The following ZC3H12B variants were observed in gnomAD, a reference collection of about 807,000 sequenced individuals.
ZC3H12B encodes probable ribonuclease ZC3H12B.
Under a neutral mutation model 43.9 loss-of-function variants are expected in ZC3H12B, and 7 were observed. The ratio of observed to expected loss-of-function variants is 0.16; its 90% CI spans 0.09 to 0.30. ZC3H12B has a LOEUF of 0.30. ZC3H12B is among the 10% of genes least tolerant of loss of function. ZC3H12B has a pLI of 1.00. For synonymous variants in ZC3H12B, 222 were observed against 241.7 expected, an observed-to-expected ratio of 0.92 and a Z score of 0.76; for missense variants, 475 against 670.2, an observed-to-expected ratio of 0.71 and a Z score of 3.22.
At chrX:65,322,343 A>G in the ZC3H12B span, among the ~76,000 whole-genome samples, 11 of 112,177 alleles carry the variant, frequency 9.8e-5, no homozygotes, top group Non-Finnish European at 1.9e-4. Flanking sequence ...CTCAACTCCA[A>G]TATTGGAAAT....
chrX:65,342,959 T>C, the ZC3H12B span, among the ~76,000 whole-genome samples: 1 of 110,358 alleles, frequency 9.1e-6, no homozygotes, highest in Non-Finnish European at 1.9e-5. Context: ...TCCAAATGAA[T>C]ACAATTAGAA....
At chrX:65,226,936 G>A in the ZC3H12B span, among the ~76,000 whole-genome samples, 2 of 111,007 alleles carry the variant, frequency 1.8e-5, no homozygotes, top group Non-Finnish European at 3.8e-5. Context: ...AATAATGGGA[G>A]ACTTTAACAC....
the ZC3H12B span, among the ~76,000 whole-genome samples, chrX:65,168,498 T>C: frequency 9.6e-6 from 1 of 103,855 alleles, no homozygotes; most frequent in Non-Finnish European, 2.0e-5. Context: ...TAAAATTCTC[T>C]TTTTTTTTTT....
chrX:65,266,775 T>G, the ZC3H12B span, among the ~76,000 whole-genome samples: 1 of 111,177 alleles, frequency 9.0e-6, no homozygotes, highest in South Asian at 3.7e-4. Context: ...AGTGCAAGGG[T>G]TTGCCTTTGT....
chrX:65,465,140 T>C (rs763660145), intron 3 of ZC3H12B, among the ~76,000 whole-genome samples: 2 of 111,200 alleles, frequency 1.8e-5, no homozygotes, highest in East Asian at 5.6e-4. Flanking sequence ...AATGTTGAAA[T>C]CACCTGTTTT....
At chrX:65,289,442 C>T in the ZC3H12B span, among the ~76,000 whole-genome samples, 1 of 109,860 alleles carries the variant, frequency 9.1e-6, no homozygotes, top group African/African-American at 3.3e-5. Flanking sequence ...GCCTCGGTGA[C>T]ATGCAATTTA....
chrX:65,452,701 C>T (rs528278844), intron 3 of ZC3H12B, among the ~76,000 whole-genome samples: 6 of 110,791 alleles, frequency 5.4e-5, no homozygotes, highest in Non-Finnish European at 1.1e-4. Context: ...ATTTGCCAGG[C>T]GTAGTGGTAG....
chrX:65,241,537 G>A, the ZC3H12B span, among the ~76,000 whole-genome samples: 1 of 112,131 alleles, frequency 8.9e-6, no homozygotes, highest in Admixed American at 9.4e-5. Flanking sequence ...CAGGGAGGTC[G>A]CCCCTGAGTG....
chrX:65,470,966 G>T (rs973377553), intron 3 of ZC3H12B, among the ~76,000 whole-genome samples: 1 of 111,797 alleles, frequency 8.9e-6, no homozygotes, highest in South Asian at 3.8e-4. Context: ...CTATACTGAA[G>T]AATATTCCAT....
intron 3 of ZC3H12B, among the ~76,000 whole-genome samples, chrX:65,459,014 A>C (rs766711718): frequency 1.8e-3 from 2 of 1,120 alleles, no homozygotes; most frequent in Non-Finnish European, 2.1e-3. Context: ...GCAATAAAAA[A>C]TGATAATGGG....
At chrX:65,346,253 T>C in the ZC3H12B span, among the ~76,000 whole-genome samples, 2 of 102,905 alleles carry the variant, frequency 1.9e-5, no homozygotes, top group Admixed American at 2.1e-4. Flanking sequence ...AACAGAATGG[T>C]ACTAGTAAAA....
At chrX:65,081,485 T>C in the ZC3H12B span, among the ~76,000 whole-genome samples, 3 of 111,808 alleles carry the variant, frequency 2.7e-5, no homozygotes, top group Non-Finnish European at 5.7e-5. Flanking sequence ...AGAATAGCTA[T>C]ACTTACATCA....
the ZC3H12B span, among the ~76,000 whole-genome samples, chrX:65,237,122 A>T: frequency 5.4e-5 from 6 of 112,081 alleles, no homozygotes; most frequent in Non-Finnish European, 1.1e-4. Context: ...CATTGGATGT[A>T]TAAATTACTT....
At chrX:65,061,450 AATG>A in the ZC3H12B span, among the ~76,000 whole-genome samples, 1 of 112,229 alleles carries the variant, frequency 8.9e-6, no homozygotes, top group Admixed American at 9.5e-5. Flanking sequence ...GTTTGCTGAG[AATG>A]ATGGTTTCCA....
chrX:65,362,534 CT>C (rs2066117566), upstream of ZC3H12B, among the ~76,000 whole-genome samples: 1 of 110,589 alleles, frequency 9.0e-6, no homozygotes, highest in East Asian at 2.8e-4. Context: ...CATTGCTGCC[CT>C]TTTCCCCAGT....
exon 5 of ZC3H12B, chrX:65,503,161 C>T: frequency 1.7e-6 from 2 of 1,210,549 alleles, no homozygotes; most frequent in African/African-American, 1.7e-5. Context: ...CAGCAGATGC[C>T]CAGCAACTGG....
At chrX:65,138,489 A>G in the ZC3H12B span, among the ~76,000 whole-genome samples, 1 of 112,192 alleles carries the variant, frequency 8.9e-6, no homozygotes, top group Non-Finnish European at 1.9e-5. Flanking sequence ...CCATTGATGA[A>G]CACTTGTGTT....
chrX:65,181,278 T>A, the ZC3H12B span, among the ~76,000 whole-genome samples: 1 of 112,217 alleles, frequency 8.9e-6, no homozygotes, highest in African/African-American at 3.2e-5. Flanking sequence ...TAGTTAAATA[T>A]AAATCCTAAA....
the ZC3H12B span, among the ~76,000 whole-genome samples, chrX:65,112,592 A>T: frequency 3.6e-5 from 4 of 111,853 alleles, no homozygotes; most frequent in Non-Finnish European, 7.5e-5. Flanking sequence ...TCCTAGGACC[A>T]TTAAAAATTA....
Sources: allele counts gnomAD v4.1 joint callset (sites outside exome capture counted in the v4.1 genomes callset), GRCh38; gene constraint gnomAD v4.1.1; transcripts MANE v1.5; gene names NCBI Gene and HGNC (gene_info 2026-07-23, HGNC 2026-07-21).